SACS: variants seen among roughly 807,000 people sequenced by gnomAD.
SACS encodes sacsin.
A neutral mutation model predicts 348.0 loss-of-function variants in SACS; 197 were observed. That is an observed-to-expected ratio of 0.57 (90% CI 0.50 to 0.64). The LOEUF (loss-of-function observed/expected upper bound fraction) is 0.64, where lower values mean the gene tolerates loss of function less well. Among genes scored for constraint, SACS ranks in the 30% least tolerant of loss-of-function variants. The probability of loss-of-function intolerance (pLI) is 0.00; values close to 1 mark genes in which losing one functional copy is unlikely to be tolerated. For missense variants in SACS, 4,999 were observed against 5,360.8 expected, an observed-to-expected ratio of 0.93 and a Z score of 2.11; for synonymous variants, 1,985 against 1,910.6, an observed-to-expected ratio of 1.04 and a Z score of -1.02.
intron 2 of SACS, among the ~76,000 whole-genome samples, chr13:23,407,093 C>T (rs139277367): frequency 3.9e-5 from 6 of 152,240 alleles, no homozygotes; most frequent in African/African-American, 1.4e-4. Context: ...CACTAGAGGG[C>T]CACTGCCATC....
At chr13:23,401,054 T>C (rs1449243849) in intron 2 of SACS, among the ~76,000 whole-genome samples, 1 of 152,120 alleles carries the variant, frequency 6.6e-6, no homozygotes. Flanking sequence ...ATATAAATAT[T>C]TTAGAAATTA....
At chr13:23,390,501 A>C (rs1427832844) in intron 2 of SACS, among the ~76,000 whole-genome samples, 1 of 152,114 alleles carries the variant, frequency 6.6e-6, no homozygotes, top group Non-Finnish European at 1.5e-5. Context: ...CTCTACAAAA[A>C]ATATAAAAAT....
chr13:23,429,073 A>C (rs1051669933), intron 1 of SACS, among the ~76,000 whole-genome samples: 2 of 152,192 alleles, frequency 1.3e-5, no homozygotes, highest in African/African-American at 2.4e-5. Context: ...ACATAAAAAT[A>C]ATATCACATA....
chr13:23,428,651 T>C (rs1342975963), intron 1 of SACS: 5 of 152,162 alleles, frequency 3.3e-5, no homozygotes, highest in Non-Finnish European at 5.9e-5. Context: ...GTGTGTGTAA[T>C]AAAGATTTCG....
chr13:23,412,170 A>T (rs564970988), intron 1 of SACS, among the ~76,000 whole-genome samples: 1 of 152,102 alleles, frequency 6.6e-6, no homozygotes, highest in East Asian at 2.0e-4. Context: ...GAGGCAGGAG[A>T]ATGGCGTGAA....
chr13:23,331,205 A>G lies in SACS; in HGVS notation c.12671T>C (p.Ile4224Thr). The change falls in exon 10 of 10, where the codon ATA becomes ACA. Residue 4224 changes from isoleucine (I) to threonine (T), a missense_variant. Transcript: ENST00000382292. ...DADNSSFLGKIYQIDIGYSEY... is the reference protein window; with the variant it reads ...DADNSSFLGKTYQIDIGYSEY... ...ACTATAACCAATATCTATCTGATATATCTTTCCTAGAAAACTAGAATTGTC... is the reference window on the plus strand; with the variant it reads ...ACTATAACCAATATCTATCTGATATGTCTTTCCTAGAAAACTAGAATTGTC... The G allele has an allele frequency of 1.2e-6, 2 of 1,613,710 alleles. No homozygotes were observed. The highest frequency in any genetic ancestry group is 8.5e-7 in the Non-Finnish European group (1 of 1,179,664).
At chr13:23,426,477 C>T (rs1343757070) in intron 1 of SACS, among the ~76,000 whole-genome samples, 2 of 151,922 alleles carry the variant, frequency 1.3e-5, no homozygotes, top group Admixed American at 6.6e-5. Flanking sequence ...CCCGTCTCTA[C>T]GAAAATACAA....
chr13:23,354,028 T>G lies in SACS; in HGVS notation c.2094-152A>C, dbSNP rs943816761. ...TCAAATCAAATTACAATATTTTTGA[T>G]CAAATATTATCTAGACTTTGCTTTA... On this transcript the variant is annotated intron_variant, in intron 8 of 9. Coordinates refer to ENST00000382292, the MANE Select transcript of SACS (RefSeq NM_014363.6). 2.2e-5 allele frequency: 14 copies of G among 646,524 alleles called. No individual in the cohort carries two copies. The African/African-American group carries it at 2.6e-4, about 12-fold the overall frequency. 40.0% of individuals were successfully genotyped at this position (646,524 alleles called of 1,614,324 possible). A position where few individuals can be genotyped will look rare whatever the true frequency, so the allele number is the denominator to read the frequency against.
intron 6 of SACS, among the ~76,000 whole-genome samples, chr13:23,360,754 C>CT (rs11340654): frequency 2.9e-4 from 36 of 125,304 alleles, no homozygotes; most frequent in African/African-American, 5.2e-4. Flanking sequence ...CTCCAAGGTA[C>CT]TTTTTTTTTT....
In SACS at chr13:23,332,909, G is replaced by C. The variant is rs886050076; in HGVS notation, c.10967C>G (p.Pro3656Arg). 8.7e-6 allele frequency: 14 copies of C among 1,613,888 alleles called. No individual in the cohort carries two copies. Among genetic ancestry groups the C allele is most frequent in the Non-Finnish European group, 1.2e-5 (14 of 1,179,918 alleles). The change falls in exon 10 of 10, where the codon CCT becomes CGT. Residue 3656 changes from proline (P) to arginine (R), a missense_variant. Pro to Arg is a moderately radical substitution (Grantham distance 103). Around this residue, in one of 6 missense-constraint regions of SACS, gnomAD observed 831 missense variants for 941.8 expected, o/e 0.88. Coordinates refer to ENST00000382292, the MANE Select transcript of SACS (RefSeq NM_014363.6). ...AATGAATTCCGCGGGGGCCCGCTCA[G>C]GACATAAGAATGGTATTAAAGATAG... ...KELSLIPFLC[P>R]ERAPAEFIRF...
chr13:23,332,775 A>G lies in SACS; in HGVS notation c.11101T>C (p.Trp3701Arg), dbSNP rs773588375. The G allele has an allele frequency of 3.1e-6, 5 of 1,614,026 alleles. No homozygotes were observed. Among genetic ancestry groups the G allele is most frequent in the South Asian group, 1.1e-5 (1 of 91,076 alleles). Residue 3701 changes from tryptophan (W) to arginine (R), a missense_variant, in exon 10 of 10, where the codon TGG (tryptophan) becomes CGG (arginine). Physicochemically the swap from Trp to Arg is moderately radical, Grantham distance 101. Around this residue, in one of 6 missense-constraint regions of SACS, gnomAD observed 831 missense variants for 941.8 expected, o/e 0.88. Coordinates refer to ENST00000382292, the MANE Select transcript of SACS (RefSeq NM_014363.6). ...FKQCDVLQLL[W>R]TSCPILPEKA... Reference sequence around the variant, plus strand: ...TCTGGAAGAATAGGGCAGGATGTCCATAACAGCTGGAGTACATCACATTGC... The same window carrying G: ...TCTGGAAGAATAGGGCAGGATGTCCGTAACAGCTGGAGTACATCACATTGC...
intron 2 of SACS, among the ~76,000 whole-genome samples, chr13:23,384,622 A>G (rs1872197328): frequency 6.6e-6 from 1 of 152,210 alleles, no homozygotes; most frequent in African/African-American, 2.4e-5. Flanking sequence ...TCAAAGCCTA[A>G]GGAAGAGATG....
chr13:23,410,526 G>A (rs577437302), intron 2 of SACS, among the ~76,000 whole-genome samples: 2 of 152,256 alleles, frequency 1.3e-5, no homozygotes, highest in South Asian at 4.1e-4. Flanking sequence ...TAGGTTACAA[G>A]ATGTGAAGAA....
At chr13:23,393,324 T>C (rs1872599269) in intron 2 of SACS, among the ~76,000 whole-genome samples, 1 of 152,234 alleles carries the variant, frequency 6.6e-6, no homozygotes, top group Admixed American at 6.5e-5. Context: ...TTTATCCTCA[T>C]GAACTCCTGA....
At chr13:23,390,692 T>C (rs35896993) in intron 2 of SACS, among the ~76,000 whole-genome samples, 23,288 of 152,124 alleles carry the variant, frequency 0.15, 2,221 homozygotes, top group Non-Finnish European at 0.21. Context: ...AATAAGTAAA[T>C]AAAATCCTAA....
Position 23,336,525 on chromosome 13 carries a change from T to C in SACS, c.7351A>G (p.Ile2451Val), listed in dbSNP as rs753942848. Residue 2451 changes from isoleucine (I) to valine (V), a missense_variant, in exon 10 of 10, where the codon ATA (isoleucine) becomes GTA (valine). By Grantham distance (29) the Ile-to-Val change is conservative (BLOSUM62 3). Around this residue, in one of 6 missense-constraint regions of SACS, gnomAD observed 3,156 missense variants for 3,380.1 expected, o/e 0.93. Coordinates refer to ENST00000382292, the MANE Select transcript of SACS (RefSeq NM_014363.6). The part of the protein sequence containing the change: ...QEFCEKNYGK[I>V]LLPDTNLMLL... ...ATAAGATTAGTATCTGGCAATAATATCTTGCCATAATTTTTCTCACAAAAT... is the reference window on the plus strand; with the variant it reads ...ATAAGATTAGTATCTGGCAATAATACCTTGCCATAATTTTTCTCACAAAAT... The C allele has an allele frequency of 1.6e-5, 26 of 1,613,842 alleles. No homozygotes were observed. The highest frequency in any genetic ancestry group is 2.1e-5 in the Non-Finnish European group (25 of 1,179,904).
At chr13:23,383,317 C>A (rs1189514554) in intron 2 of SACS, among the ~76,000 whole-genome samples, 1 of 152,126 alleles carries the variant, frequency 6.6e-6, no homozygotes, top group Non-Finnish European at 1.5e-5. Flanking sequence ...CTTACTCAGG[C>A]CACCACTCAG....
chr13:23,387,216 T>C (rs1457448371), intron 2 of SACS, among the ~76,000 whole-genome samples: 2 of 151,894 alleles, frequency 1.3e-5, no homozygotes, highest in Non-Finnish European at 2.9e-5. Flanking sequence ...TCCCAGCACT[T>C]TGGGAGGCCG....
At chr13:23,382,136 C>T (rs925313634) in intron 2 of SACS, among the ~76,000 whole-genome samples, 2 of 152,154 alleles carry the variant, frequency 1.3e-5, no homozygotes, top group African/African-American at 2.4e-5. Context: ...AATAGGTCAG[C>T]GGAGGTTTTT....
Sources: gnomAD v4.1 joint callset for allele counts (sites outside exome capture counted in the v4.1 genomes callset) on GRCh38, gnomAD v4.1.1 for gene constraint, gnomAD v4.1.1 regional missense constraint, MANE v1.5 for transcripts, NCBI Gene and HGNC (gene_info 2026-07-23, HGNC 2026-07-21) for gene names.